Variants in TBC1D19 observed in about 807,000 individuals in gnomAD.
The protein encoded by TBC1D19 is TBC1 domain family member 19.
A neutral mutation model predicts 89.0 loss-of-function variants in TBC1D19; 60 were observed. The ratio of observed to expected loss-of-function variants is 0.67; its 90% CI spans 0.55 to 0.84. The LOEUF (loss-of-function observed/expected upper bound fraction) is 0.84. TBC1D19 is among the 40% of genes least tolerant of loss of function. The probability of loss-of-function intolerance (pLI) is 0.00; values close to 1 mark genes in which losing one functional copy is unlikely to be tolerated. For synonymous variants in TBC1D19, 189 were observed against 199.7 expected, an observed-to-expected ratio of 0.95 and a Z score of 0.45; for missense variants, 500 against 610.8, an observed-to-expected ratio of 0.82 and a Z score of 1.91.
intron 9 of TBC1D19, among the ~76,000 whole-genome samples, chr4:26,671,252 ATAGTGGT>A (rs1560461728): frequency 6.6e-6 from 1 of 151,700 alleles, no homozygotes; most frequent in African/African-American, 2.4e-5. Flanking sequence ...TGTGTATTTC[ATAGTGGT>A]TTTAATTGCA....
rs892069074 is a variant in TBC1D19 at position 26,748,806 on chromosome 4, C to G, written c.1435+280C>G. ...CTCTCCCCTTTTAGTCCAGCTAGGT[C>G]TCACTATCTCCCAACACCTATGAGG... On this transcript the variant is annotated intron_variant, in intron 19 of 20. Transcript: ENST00000264866. Among the ~76,000 whole-genome samples, 5 of 152,078 alleles carry G rather than the reference C, an allele frequency of 3.3e-5. No homozygotes were observed. The East Asian group carries it at 9.6e-4, about 29-fold the overall frequency.
chr4:26,709,993 C>G (rs1716039828), intron 13 of TBC1D19, among the ~76,000 whole-genome samples: 2 of 151,842 alleles, frequency 1.3e-5, no homozygotes, highest in Admixed American at 6.6e-5. Flanking sequence ...CCACATTGCC[C>G]TTTATTTTTT....
the TBC1D19 span, among the ~76,000 whole-genome samples, chr4:26,831,045 T>C: frequency 1.3e-5 from 2 of 152,374 alleles, no homozygotes; most frequent in East Asian, 3.9e-4. Flanking sequence ...ATTTATTATT[T>C]AGGTTGCATG....
chr4:26,735,095 T>A (rs1266336916), intron 15 of TBC1D19, among the ~76,000 whole-genome samples: 1 of 151,206 alleles, frequency 6.6e-6, no homozygotes, highest in Non-Finnish European at 1.5e-5. Flanking sequence ...TGTATACACA[T>A]GTATATATGT....
the TBC1D19 span, among the ~76,000 whole-genome samples, chr4:26,826,577 T>C: frequency 5.9e-5 from 9 of 152,228 alleles, no homozygotes; most frequent in Admixed American, 5.9e-4. Context: ...AATATACCTT[T>C]CAAAATTCTC....
At chr4:26,672,559 C>T (rs936624398) in intron 10 of TBC1D19, among the ~76,000 whole-genome samples, 1 of 151,978 alleles carries the variant, frequency 6.6e-6, no homozygotes, top group African/African-American at 2.4e-5. Context: ...GGAATATGCT[C>T]CCGCATCAGG....
At chr4:26,857,031 T>A in the TBC1D19 span, among the ~76,000 whole-genome samples, 4 of 152,230 alleles carry the variant, frequency 2.6e-5, no homozygotes, top group South Asian at 4.1e-4. Context: ...AGCAATAAAA[T>A]TTTCCACCTT....
chr4:26,770,352 G>T, the TBC1D19 span, among the ~76,000 whole-genome samples: 1 of 152,050 alleles, frequency 6.6e-6, no homozygotes, highest in African/African-American at 2.4e-5. Context: ...CATCAAGAAG[G>T]CATAGTGCTA....
chr4:26,656,318 TATTA>T (rs1316984077), intron 7 of TBC1D19, among the ~76,000 whole-genome samples: 5 of 152,088 alleles, frequency 3.3e-5, no homozygotes, highest in Admixed American at 1.3e-4. Context: ...TCATTACCCA[TATTA>T]ATTGAGGCAT....
chr4:26,741,320 C>T (rs1718359579), intron 17 of TBC1D19, among the ~76,000 whole-genome samples: 1 of 134,728 alleles, frequency 7.4e-6, no homozygotes, highest in East Asian at 2.1e-4. Context: ...TGCGCCACTA[C>T]AGTCCGCAGT....
chr4:26,840,453 G>A, the TBC1D19 span, among the ~76,000 whole-genome samples: 3 of 152,094 alleles, frequency 2.0e-5, no homozygotes, highest in South Asian at 2.1e-4. Flanking sequence ...GTAGACCTCC[G>A]AGGAGAAGAC....
intron 4 of TBC1D19, among the ~76,000 whole-genome samples, chr4:26,636,640 A>C (rs1743150383): frequency 6.6e-6 from 1 of 152,034 alleles, no homozygotes; most frequent in African/African-American, 2.4e-5. Flanking sequence ...CAACTGGAAA[A>C]TTTGAGTATA....
intron 13 of TBC1D19, among the ~76,000 whole-genome samples, chr4:26,711,663 T>C (rs77756672): frequency 0.015 from 2,293 of 152,132 alleles, 53 homozygotes; most frequent in African/African-American, 0.051. Context: ...TAAATTACTA[T>C]CATGTGTAGC....
chr4:26,616,482 G>A (rs547187398), intron 3 of TBC1D19, among the ~76,000 whole-genome samples: 5 of 152,298 alleles, frequency 3.3e-5, no homozygotes, highest in African/African-American at 1.2e-4. Context: ...AGAAGACTTA[G>A]CGTATTCTGT....
At chr4:26,817,981 A>ATAT in the TBC1D19 span, among the ~76,000 whole-genome samples, 211 of 126,044 alleles carry the variant, frequency 1.7e-3, 2 homozygotes, top group African/African-American at 6.0e-3. Flanking sequence ...AAAAAAAAAA[A>ATAT]ATATATATAT....
At chr4:26,628,173 G>T (rs1333723382) in intron 4 of TBC1D19, among the ~76,000 whole-genome samples, 1 of 152,018 alleles carries the variant, frequency 6.6e-6, no homozygotes, top group African/African-American at 2.4e-5. Flanking sequence ...TTTTTCTCAG[G>T]TTTGTCAAAG....
chr4:26,823,288 G>A, the TBC1D19 span, among the ~76,000 whole-genome samples: 2 of 151,872 alleles, frequency 1.3e-5, no homozygotes, highest in Non-Finnish European at 2.9e-5. Context: ...ACCTCCCACC[G>A]GGTCCCTCCC....
intron 3 of TBC1D19, among the ~76,000 whole-genome samples, chr4:26,615,165 T>A (rs1437609223): frequency 2.0e-5 from 3 of 152,206 alleles, no homozygotes; most frequent in Non-Finnish European, 4.4e-5. Flanking sequence ...TTTTTGTTCT[T>A]TGGCAAAATT....
chr4:26,826,617 C>A, the TBC1D19 span, among the ~76,000 whole-genome samples: 1 of 152,154 alleles, frequency 6.6e-6, no homozygotes, highest in Non-Finnish European at 1.5e-5. Context: ...TAGATGATGT[C>A]CGCGTGTATT....
Sources: gnomAD v4.1 joint callset for allele counts (sites outside exome capture counted in the v4.1 genomes callset) on GRCh38, gnomAD v4.1.1 for gene constraint, MANE v1.5 for transcripts, NCBI Gene and HGNC (gene_info 2026-07-23, HGNC 2026-07-21) for gene names.